Variants in TPH1 observed in about 807,000 individuals in gnomAD.
TPH1 encodes the protein tryptophan 5-hydroxylase 1.
In TPH1, 37 loss-of-function variants were observed where a neutral mutation model predicts 49.5. The ratio of observed to expected loss-of-function variants is 0.75; its 90% confidence interval spans 0.58 to 0.98. The LOEUF (loss-of-function observed/expected upper bound fraction) is 0.98, where lower values mean the gene tolerates loss of function less well. Among genes scored for constraint, TPH1 ranks in the 50% least tolerant of loss-of-function variants. The pLI, the probability that TPH1 is intolerant of heterozygous loss-of-function variation, is 0.00. For missense variants in TPH1, 487 were observed against 523.6 expected (o/e 0.93, Z 0.68); for synonymous variants, 160 against 182.1 (o/e 0.88, Z 0.98).
chr11:18,025,445 A>G (rs534828234), intron 8 of TPH1, 130 bp downstream of exon 8: 665 of 1,242,442 alleles, frequency 5.4e-4, no homozygotes, highest in Admixed American at 1.3e-3. Flanking sequence ...CAGTGGCACA[A>G]TCTCGGCTCA....
intron 2 of TPH1, among the ~76,000 whole-genome samples, chr11:18,038,370 C>T (rs1473394424): frequency 6.6e-6 from 1 of 152,174 alleles, no homozygotes; most frequent in East Asian, 1.9e-4. Flanking sequence ...GATGTTCACA[C>T]AGCAGCGTGC....
At chr11:18,038,410 G>GA (rs1848066618) in intron 2 of TPH1, among the ~76,000 whole-genome samples, 1 of 152,054 alleles carries the variant, frequency 6.6e-6, no homozygotes, top group South Asian at 2.1e-4. Context: ...TGCTGGATGG[G>GA]AAAAAGAATC....
chr11:18,037,293 G>A (rs1848056206), intron 2 of TPH1, among the ~76,000 whole-genome samples: 1 of 151,798 alleles, frequency 6.6e-6, no homozygotes, highest in Non-Finnish European at 1.5e-5. Flanking sequence ...AGGAGGTTAA[G>A]GCTACAGTGA....
rs773102543 is a variant in TPH1 at position 18,029,624 on chromosome 11, C to T, written c.403-45G>A. On this transcript the variant is annotated intron_variant, in intron 4 of 10. Transcript: ENST00000682019. ...TTTTAAATATCCATACTAAAAAATA[C>T]TTGACAAATGATATTTGGGAAACAT... The T allele has an allele frequency of 2.0e-5, 29 of 1,471,348 alleles. No homozygotes were observed. In the South Asian group the frequency reaches 3.0e-4, roughly 15 times the overall value. The allele number at this position is 1,471,348 out of a possible 1,614,324, so 91.1% of individuals were successfully genotyped here. A position where few individuals can be genotyped will look rare whatever the true frequency, so the allele number is the denominator to read the frequency against.
chr11:18,043,598 G>A (rs777002559), intron 1 of TPH1, among the ~76,000 whole-genome samples: 7 of 151,256 alleles, frequency 4.6e-5, no homozygotes, highest in Non-Finnish European at 8.8e-5. Flanking sequence ...GTGAGACTCC[G>A]TCTCAAAAAA....
intron 1 of TPH1, among the ~76,000 whole-genome samples, chr11:18,044,390 C>T (rs1478165745): frequency 6.6e-6 from 1 of 152,074 alleles, no homozygotes; most frequent in Non-Finnish European, 1.5e-5. Flanking sequence ...CCACTGCACT[C>T]CAGCCCAGGT....
chr11:18,042,977 A>C (rs1025397410), intron 1 of TPH1, among the ~76,000 whole-genome samples: 1 of 152,226 alleles, frequency 6.6e-6, no homozygotes, highest in Admixed American at 6.5e-5. Context: ...AAATCTCAAG[A>C]AAATAATTCA....
At chr11:18,041,533 T>G (rs1848098404) in intron 1 of TPH1, among the ~76,000 whole-genome samples, 1 of 152,214 alleles carries the variant, frequency 6.6e-6, no homozygotes, top group South Asian at 2.1e-4. Flanking sequence ...CTACCAGAAC[T>G]CATAACATCC....
At position 18,045,536 on chromosome 11, in the gene TPH1, TA is replaced by T. The variant is rs1047254335; in HGVS notation, c.-27+704del. Among the ~76,000 whole-genome samples, 32 of 151,246 alleles carry T rather than the reference TA, an allele frequency of 2.1e-4. 1 individual carries two copies. The highest frequency in any genetic ancestry group is 1.0e-4 in the Non-Finnish European group (7 of 67,904). ...TTTCCTGGGTTAGCAAGTTCAACTC[TA>T]GTCTTTTTCCTGCTAAGTCAAGTAG... On this transcript the variant is annotated intron_variant, in intron 1 of 10. Coordinates refer to ENST00000682019, the MANE Select transcript of TPH1 (RefSeq NM_004179.3).
intron 3 of TPH1, among the ~76,000 whole-genome samples, chr11:18,033,787 GT>G (rs965331883): frequency 1.3e-5 from 2 of 152,138 alleles, no homozygotes; most frequent in Non-Finnish European, 2.9e-5. Flanking sequence ...GAAATCATTT[GT>G]CTTTGCCACC....
At chr11:18,031,067 G>A (rs1305855830) in intron 4 of TPH1, among the ~76,000 whole-genome samples, 1 of 152,138 alleles carries the variant, frequency 6.6e-6, no homozygotes, top group Non-Finnish European at 1.5e-5. Flanking sequence ...ATTTCAGAAA[G>A]ATTCTGTCAC....
chr11:18,034,776 A>AT lies in TPH1; in HGVS notation c.301+1182dup, dbSNP rs546292671. ...CTTTTGCCTCGAGTGAACTCCAAGG[A>AT]TTTTTTTTTTACCAGTAGAGATCTT... On this transcript the variant is annotated intron_variant, in intron 3 of 10. Transcript: ENST00000682019. 3.3e-4 allele frequency among the ~76,000 whole-genome samples: 50 copies of AT among 150,294 alleles called. 1 individual carries two copies. Among genetic ancestry groups the AT allele is most frequent in the Middle Eastern group, 3.4e-3 (1 of 292 alleles).
At chr11:18,045,559 G>C (rs540756033) in intron 1 of TPH1, among the ~76,000 whole-genome samples, 8 of 151,294 alleles carry the variant, frequency 5.3e-5, no homozygotes, top group African/African-American at 2.0e-4. Flanking sequence ...GCTAAGTCAA[G>C]TAGAGTGGGA....
intron 6 of TPH1, 104 bp downstream of exon 6, chr11:18,029,061 C>T (rs1847956064): frequency 4.0e-6 from 3 of 757,534 alleles, no homozygotes; most frequent in Admixed American, 6.2e-5. Flanking sequence ...GCCTGGGCAA[C>T]AGAAAGAGAG....
chr11:18,026,392 C>G (rs996518113), intron 7 of TPH1, 98 bp downstream of exon 7: 139 of 914,912 alleles, frequency 1.5e-4, no homozygotes, highest in South Asian at 2.0e-4. Flanking sequence ...TCCTCGCACA[C>G]CAAAAAAAAA....
Position 18,025,715 on chromosome 11 carries a change from A to C in TPH1, c.804-14T>G. ...TGGCAGGTATCTCTGAAAGAGAGGT[A>C]CAAGTTTGTCACGCTGCAGTGCTTA... is the stretch of plus-strand genomic sequence containing the variant. On this transcript the variant is annotated splice_polypyrimidine_tract_variant and intron_variant, in intron 7 of 10. Coordinates refer to ENST00000682019, the MANE Select transcript of TPH1 (RefSeq NM_004179.3). 1 of 1,613,848 alleles carries C rather than the reference A, an allele frequency of 6.2e-7. No homozygotes were observed. Among genetic ancestry groups the C allele is most frequent in the Non-Finnish European group, 8.5e-7 (1 of 1,179,760 alleles).
rs1471021707 is a variant in TPH1, at chr11:18,030,593, GCA to G, written c.403-1016_403-1015del. Among the ~76,000 whole-genome samples the G allele has an allele frequency of 3.9e-5, 6 of 152,228 alleles. 1 individual carries two copies. In the East Asian group the frequency reaches 1.2e-3, roughly 29 times the overall value. ...ATCTGGAAAAACAGATATGAACAAA[GCA>G]CAGTCTGGGGCTTAAAGGAGTTTAC... is the stretch of plus-strand genomic sequence containing the variant. On this transcript the variant is annotated intron_variant, in intron 4 of 10. Transcript: ENST00000682019.
intron 9 of TPH1, 119 bp from the exon 10 acceptor site, chr11:18,023,050 C>T: frequency 3.5e-6 from 4 of 1,134,136 alleles, no homozygotes; most frequent in East Asian, 5.1e-5. Flanking sequence ...ATCTACAATT[C>T]CAAACTTATT....
At position 18,019,652 on chromosome 11, in the gene TPH1, T is replaced by C. The variant is rs369469384; in HGVS notation, c.*1339A>G. 8.0e-5 allele frequency: 37 copies of C among 460,000 alleles called. No homozygotes were observed. In the East Asian group the frequency reaches 1.0e-3, roughly 13 times the overall value. The allele number at this position is 460,000 out of a possible 1,614,324, so 28.5% of individuals were successfully genotyped here. A position where few individuals can be genotyped will look rare whatever the true frequency, so the allele number is the denominator to read the frequency against. On this transcript the variant is annotated 3_prime_UTR_variant, in exon 11 of 11. Transcript: ENST00000682019. ...TCATTCAAAATAAGAACTGAAGTCA[T>C]GTATCTGGGTGACATTCCCCATGAA...
Sources: gnomAD v4.1 joint callset for allele counts (sites outside exome capture counted in the v4.1 genomes callset) on GRCh38, gnomAD v4.1.1 for gene constraint, MANE v1.5 for transcripts, NCBI Gene and HGNC (gene_info 2026-07-23, HGNC 2026-07-21) for gene names.